The following EXOC4 variants were observed in gnomAD, a reference collection of about 807,000 sequenced individuals.
EXOC4 encodes SEC8-like 1.
Under a neutral mutation model 107.2 loss-of-function variants are expected in EXOC4, and 71 were observed. The observed-to-expected ratio is 0.66, with a 90% CI of 0.55 to 0.81. EXOC4 has a LOEUF of 0.81. Ranked by LOEUF, EXOC4 falls within the 30% of genes least tolerant of loss-of-function variation. The pLI, the probability that EXOC4 is intolerant of heterozygous loss-of-function variation, is 0.00. For missense variants in EXOC4, 1,108 were observed against 1,189.6 expected (o/e 0.93, Z 1.01); for synonymous variants, 456 against 441.2 (o/e 1.03, Z -0.42).
At chr7:133,769,419 C>T (rs1221703203) in intron 10 of EXOC4, among the ~76,000 whole-genome samples, 1 of 151,806 alleles carries the variant, frequency 6.6e-6, no homozygotes, top group Non-Finnish European at 1.5e-5. Context: ...AATTAATGCA[C>T]CATTTTTCTC....
At chr7:134,077,141 G>A in the EXOC4 span, among the ~76,000 whole-genome samples, 1 of 152,150 alleles carries the variant, frequency 6.6e-6, no homozygotes, top group African/African-American at 2.4e-5. Context: ...CTGAAAACGA[G>A]TAGAGCCAGT....
At chr7:133,507,983 C>T (rs1397248426) in intron 9 of EXOC4, among the ~76,000 whole-genome samples, 1 of 152,030 alleles carries the variant, frequency 6.6e-6, no homozygotes, top group East Asian at 1.9e-4. Context: ...TCACTTGAAC[C>T]TGGAAGGCAG....
intron 14 of EXOC4, among the ~76,000 whole-genome samples, chr7:133,963,911 T>C (rs1563073269): frequency 6.6e-6 from 1 of 152,282 alleles, no homozygotes; most frequent in East Asian, 1.9e-4. Context: ...TTAACGTGGT[T>C]ACCTAGGAAA....
chr7:133,496,921 G>A (rs1372162818), intron 9 of EXOC4, among the ~76,000 whole-genome samples: 1 of 152,134 alleles, frequency 6.6e-6, no homozygotes, highest in African/African-American at 2.4e-5. Context: ...AGATTACCCT[G>A]GTTGGGCCTC....
chr7:134,087,355 A>AT, the EXOC4 span, among the ~76,000 whole-genome samples: 1 of 152,310 alleles, frequency 6.6e-6, no homozygotes. Flanking sequence ...GTCAGAAAGC[A>AT]TTGGTACGGT....
chr7:133,481,171 G>T (rs1453631737), intron 9 of EXOC4: 2 of 151,904 alleles, frequency 1.3e-5, no homozygotes, highest in Admixed American at 1.3e-4. Context: ...TAAAGATCTA[G>T]TTATGAAAGT....
chr7:133,857,113 T>TTACCTCTAC (rs1385750954), intron 11 of EXOC4, among the ~76,000 whole-genome samples: 2 of 98,952 alleles, frequency 2.0e-5, no homozygotes, highest in African/African-American at 8.7e-5. Flanking sequence ...TATATATATG[T>TTACCTCTAC]GTATATATAT....
At chr7:134,092,995 A>G in the EXOC4 span, among the ~76,000 whole-genome samples, 1 of 152,108 alleles carries the variant, frequency 6.6e-6, no homozygotes, top group East Asian at 1.9e-4. Flanking sequence ...CATAGCCTAC[A>G]GACCCTATGA....
At chr7:134,012,783 T>G (rs1794802333) in intron 17 of EXOC4, among the ~76,000 whole-genome samples, 2 of 152,162 alleles carry the variant, frequency 1.3e-5, no homozygotes, top group Non-Finnish European at 2.9e-5. Context: ...GGTACCCCAC[T>G]GTTGAGACGC....
At chr7:133,526,498 C>A (rs1800081249) in intron 9 of EXOC4, among the ~76,000 whole-genome samples, 1 of 152,120 alleles carries the variant, frequency 6.6e-6, no homozygotes, top group African/African-American at 2.4e-5. Context: ...ATCCATTGAT[C>A]CTACATTCTG....
chr7:133,256,820 A>T (rs181246882), intron 1 of EXOC4, among the ~76,000 whole-genome samples: 1 of 150,710 alleles, frequency 6.6e-6, no homozygotes, highest in East Asian at 2.0e-4. Context: ...AGGACAGAGT[A>T]TGTGTAGGCA....
intron 10 of EXOC4, among the ~76,000 whole-genome samples, chr7:133,791,508 A>C (rs1796702964): frequency 6.6e-6 from 1 of 152,220 alleles, no homozygotes; most frequent in South Asian, 2.1e-4. Flanking sequence ...AACTATTCAG[A>C]AGTTCTTTTG....
chr7:133,663,072 A>AT (rs1793732275), intron 10 of EXOC4, among the ~76,000 whole-genome samples: 1 of 152,106 alleles, frequency 6.6e-6, no homozygotes, highest in Non-Finnish European at 1.5e-5. Context: ...CCTAGTCTGC[A>AT]TTTTTCCTGC....
intron 6 of EXOC4, among the ~76,000 whole-genome samples, chr7:133,369,675 TA>T (rs1446827436): frequency 6.6e-6 from 1 of 152,162 alleles, no homozygotes; most frequent in Non-Finnish European, 1.5e-5. Flanking sequence ...TTATCACTTT[TA>T]AAATTTCCAG....
chr7:133,255,170 T>G (rs765553621), intron 1 of EXOC4, among the ~76,000 whole-genome samples: 7 of 151,598 alleles, frequency 4.6e-5, no homozygotes, highest in East Asian at 3.9e-4. Flanking sequence ...ATATTGCTTT[T>G]CTTTTCTTTT....
intron 13 of EXOC4, among the ~76,000 whole-genome samples, chr7:133,922,387 T>G (rs1356523089): frequency 6.6e-6 from 1 of 152,144 alleles, no homozygotes; most frequent in Non-Finnish European, 1.5e-5. Flanking sequence ...TTTTTGGACC[T>G]TATATAAATG....
intron 10 of EXOC4, among the ~76,000 whole-genome samples, chr7:133,716,213 A>G (rs541446723): frequency 9.8e-5 from 15 of 152,368 alleles, no homozygotes; most frequent in African/African-American, 3.4e-4. Context: ...AATACTTACA[A>G]TGTGCAGGGC....
intron 10 of EXOC4, among the ~76,000 whole-genome samples, chr7:133,786,519 G>A (rs570941560): frequency 3.9e-5 from 6 of 152,318 alleles, no homozygotes; most frequent in South Asian, 2.1e-4. Context: ...AGAATATTAC[G>A]AAACAGGTGT....
At chr7:133,777,810 G>A (rs1417464103) in intron 10 of EXOC4, among the ~76,000 whole-genome samples, 1 of 152,170 alleles carries the variant, frequency 6.6e-6, no homozygotes, top group African/African-American at 2.4e-5. Context: ...TAAGGATTAA[G>A]CTTGTTAATA....
Sources: allele counts gnomAD v4.1 joint callset (sites outside exome capture counted in the v4.1 genomes callset), GRCh38; gene constraint gnomAD v4.1.1; transcripts MANE v1.5; gene names NCBI Gene and HGNC (gene_info 2026-07-23, HGNC 2026-07-21).